Variants in UACA observed in about 807,000 individuals in gnomAD.
UACA encodes the protein uveal autoantigen with coiled-coil domains and ankyrin repeats, also known as nuclear membrane binding protein.
UACA carries 112 observed loss-of-function variants against 160.5 expected under a neutral mutation model. The observed-to-expected ratio is 0.70, with a 90% CI of 0.60 to 0.82. The LOEUF is 0.82. Ranked by LOEUF, UACA falls within the 40% of genes least tolerant of loss-of-function variation. UACA has a pLI of 0.00. For missense variants in UACA, 1,574 were observed against 1,614.6 expected, an observed-to-expected ratio of 0.97 and a Z score of 0.43; for synonymous variants, 557 against 568.4, an observed-to-expected ratio of 0.98 and a Z score of 0.29.
intron 1 of UACA, among the ~76,000 whole-genome samples, chr15:70,712,064 A>ATATATATC (rs909386790): frequency 6.9e-6 from 1 of 145,464 alleles, no homozygotes; most frequent in African/African-American, 2.8e-5. Flanking sequence ...ATATATATAT[A>ATATATATC]TATCTCCATA....
intron 1 of UACA, among the ~76,000 whole-genome samples, chr15:70,744,250 A>G (rs1899630360): frequency 1.5e-5 from 2 of 135,504 alleles, no homozygotes; most frequent in South Asian, 4.3e-4. Flanking sequence ...CTCTGTCTCA[A>G]AAAAAAAAAA....
chr15:70,669,342 C>T lies in UACA; in HGVS notation c.1342G>A (p.Ala448Thr), dbSNP rs1226323671. Residue 448 changes from alanine to threonine, a missense_variant, in exon 16 of 19, where the codon GCA becomes ACA. Physicochemically the swap from Ala to Thr is moderately conservative, Grantham distance 58. Transcript: ENST00000322954. ...GCTGACTCACAGAAAGTTCGCATTG[C>T]TTCTAACTCTTTCTTTAAAATTTCA... Reference protein sequence around the residue: ...ENEILKKELEAMRTFCESAKQ... With the variant: ...ENEILKKELETMRTFCESAKQ... The T allele has an allele frequency of 6.2e-7, 1 of 1,613,980 alleles. No homozygotes were observed. The highest frequency in any genetic ancestry group is 8.5e-7 in the Non-Finnish European group (1 of 1,179,966).
At chr15:70,767,196 C>T (rs1357361284), upstream of UACA, among the ~76,000 whole-genome samples, 22 of 144,132 alleles carry the variant, frequency 1.5e-4, no homozygotes, top group South Asian at 2.0e-3. Context: ...GCCGAGATGG[C>T]GCCACTGCAC....
rs1368109203 is a variant in UACA at position 70,712,153 on chromosome 15, T to TTCTGA, written c.79-12498_79-12494dup. Among the ~76,000 whole-genome samples, 5 of 151,714 alleles carry TTCTGA rather than the reference T, an allele frequency of 3.3e-5. No individual in the cohort carries two copies. The South Asian group carries it at 6.3e-4, about 19-fold the overall frequency. On this transcript the variant is annotated intron_variant, in intron 1 of 18. Coordinates refer to ENST00000322954, the MANE Select transcript of UACA (RefSeq NM_018003.4). Reference sequence around the variant, plus strand: ...CCAAAAACATGCTCTTCCTCCTGAATTCTGATCCTACTCCAAGTTTCATTA... The same window carrying TTCTGA: ...CCAAAAACATGCTCTTCCTCCTGAATTCTGATCTGATCCTACTCCAAGTTTCATTA...
At chr15:70,698,049 C>T (rs1218285120) in intron 2 of UACA, among the ~76,000 whole-genome samples, 2 of 151,802 alleles carry the variant, frequency 1.3e-5, no homozygotes, top group Non-Finnish European at 2.9e-5. Context: ...GAAACTCTGT[C>T]TCAAAAAAAT....
At chr15:70,660,238 C>G in intron 17 of UACA, 22 bp from the exon 18 acceptor site, 1 of 1,605,174 alleles carries the variant, frequency 6.2e-7, no homozygotes, top group South Asian at 1.1e-5. Context: ...GAAAGATGGA[C>G]AGATGTGACT....
intron 1 of UACA, among the ~76,000 whole-genome samples, chr15:70,754,610 G>A (rs768918194): frequency 2.9e-4 from 44 of 152,126 alleles, no homozygotes; most frequent in Non-Finnish European, 5.9e-4. Context: ...ACAACTCATC[G>A]ATCCTTTGCC....
intron 17 of UACA, among the ~76,000 whole-genome samples, chr15:70,662,332 C>T (rs1896739008): frequency 1.3e-5 from 2 of 152,138 alleles, no homozygotes; most frequent in Non-Finnish European, 2.9e-5. Flanking sequence ...TCATGGCAAA[C>T]TACAAACCAC....
intron 1 of UACA, among the ~76,000 whole-genome samples, chr15:70,759,222 A>C (rs572820726): frequency 8.7e-4 from 132 of 152,312 alleles, no homozygotes; most frequent in Non-Finnish European, 1.4e-3. Flanking sequence ...TAAATTTCCT[A>C]AACTAGGTGA....
At chr15:70,721,470 C>CA (rs892175879) in intron 1 of UACA, among the ~76,000 whole-genome samples, 7 of 151,820 alleles carry the variant, frequency 4.6e-5, no homozygotes, top group Non-Finnish European at 7.4e-5. Flanking sequence ...CTGAAAAATA[C>CA]AAAAAAATTA....
At position 70,678,561 on chromosome 15, in the gene UACA, T is replaced by A. The variant is rs79929343; in HGVS notation, c.892-355A>T. 7.4e-3 allele frequency among the ~76,000 whole-genome samples: 1,123 copies of A among 152,290 alleles called. 16 individuals are homozygous for A. The highest frequency in any genetic ancestry group is 0.025 in the African/African-American group (1,042 of 41,568). ...TCCCAAATTTATGAGACTCTTCTAA[T>A]CCTTTTGTTGAAATAATCATCATTT... On this transcript the variant is annotated intron_variant, in intron 10 of 18. Coordinates refer to ENST00000322954, the MANE Select transcript of UACA (RefSeq NM_018003.4).
chr15:70,767,036 C>T (rs184434117), upstream of UACA, among the ~76,000 whole-genome samples: 1 of 151,040 alleles, frequency 6.6e-6, no homozygotes, highest in Non-Finnish European at 1.5e-5. Context: ...GTCAGGAGAT[C>T]GAGACAATCC....
the UACA span, among the ~76,000 whole-genome samples, chr15:70,768,740 T>C: frequency 6.6e-6 from 1 of 152,192 alleles, no homozygotes; most frequent in South Asian, 2.1e-4. Context: ...TACCAGGATA[T>C]GTGCAATGAG....
chr15:70,736,141 GT>G (rs1251074073), intron 1 of UACA, among the ~76,000 whole-genome samples: 1 of 152,164 alleles, frequency 6.6e-6, no homozygotes, highest in African/African-American at 2.4e-5. Context: ...GAAACTGAAA[GT>G]TAATGGCCAG....
At chr15:70,723,612 C>G (rs1404520376) in intron 1 of UACA, among the ~76,000 whole-genome samples, 1 of 151,472 alleles carries the variant, frequency 6.6e-6, no homozygotes, top group Non-Finnish European at 1.5e-5. Context: ...ACTCATTTTT[C>G]AGATCTCATC....
At position 70,763,539 on chromosome 15, in the gene UACA, C is replaced by G; in HGVS notation, c.-132G>C. ...CCCCACCTGCCTGCCACCTGCGGGC[C>G]CCGGGCAGCAGACGTCGACAGGCCT... On this transcript the variant is annotated 5_prime_UTR_variant, in exon 1 of 19. Transcript: ENST00000322954. 8.0e-7 allele frequency: 1 copy of G among 1,245,816 alleles called. No individual in the cohort carries two copies. The highest frequency in any genetic ancestry group is 3.2e-5 in the East Asian group (1 of 31,614). The allele number at this position is 1,245,816 out of a possible 1,614,324, so 77.2% of individuals were successfully genotyped here. A position where few individuals can be genotyped will look rare whatever the true frequency, so the allele number is the denominator to read the frequency against.
rs1335347127 is a variant in UACA at position 70,666,790 on chromosome 15, T to C, written c.3894A>G (p.Thr1298=). The change falls in exon 16 of 19, where the codon ACA becomes ACG. Residue 1298 remains threonine (T), a synonymous_variant. Transcript: ENST00000322954. ...DQKERCDKSL[T]TITELQRRIQ... ...TTCTTCTTTGTAACTCTGTGATTGTTGTTAAGGACTTATCACATCGTTCCT... is the reference window on the plus strand; with the variant it reads ...TTCTTCTTTGTAACTCTGTGATTGTCGTTAAGGACTTATCACATCGTTCCT... 1 of 1,611,280 alleles carries C rather than the reference T, an allele frequency of 6.2e-7. No individual in the cohort carries two copies. Among genetic ancestry groups the C allele is most frequent in the East Asian group, 2.2e-5 (1 of 44,878 alleles).
the UACA span, among the ~76,000 whole-genome samples, chr15:70,777,514 G>C: frequency 9.9e-5 from 15 of 152,270 alleles, 1 homozygote; most frequent in African/African-American, 3.6e-4. Context: ...TCCTATAAAA[G>C]AGAAGGAAAA....
intron 17 of UACA, among the ~76,000 whole-genome samples, chr15:70,663,203 T>C (rs181084839): frequency 1.1e-3 from 172 of 152,272 alleles, no homozygotes; most frequent in African/African-American, 3.8e-3. Context: ...GCGAAGGATA[T>C]GAACAGACAC....
Sources: allele counts gnomAD v4.1 joint callset (sites outside exome capture counted in the v4.1 genomes callset), GRCh38; gene constraint gnomAD v4.1.1; transcripts MANE v1.5; gene names NCBI Gene and HGNC (gene_info 2026-07-23, HGNC 2026-07-21).